The following TRPV1 variants were observed in gnomAD, a reference collection of about 807,000 sequenced individuals.
TRPV1 encodes the protein transient receptor potential cation channel subfamily V member 1.
Under a neutral mutation model 82.3 loss-of-function variants are expected in TRPV1, and 82 were observed. The observed-to-expected ratio is 1.00, with a 90% CI of 0.83 to 1.20. TRPV1 has a LOEUF of 1.20. Ranked by LOEUF, TRPV1 falls within the 50% of genes most tolerant of loss-of-function variation. The pLI, the probability that TRPV1 is intolerant of heterozygous loss-of-function variation, is 0.00. For synonymous variants in TRPV1, 515 were observed against 467.7 expected, an observed-to-expected ratio of 1.10 and a Z score of -1.30; for missense variants, 1,067 against 1,096.8, an observed-to-expected ratio of 0.97 and a Z score of 0.38.
chr17:3,566,842 C>T lies in TRPV1; in HGVS notation c.2493G>A (p.Lys831=). 1 of 1,613,956 alleles carries T rather than the reference C, an allele frequency of 6.2e-7. No individual in the cohort carries two copies. The highest frequency in any genetic ancestry group is 1.1e-5 in the South Asian group (1 of 91,078). Residue 831 remains lysine (K), a synonymous_variant, in exon 17 of 17, where the codon AAG becomes AAA. Coordinates refer to ENST00000572705, the MANE Select transcript of TRPV1 (RefSeq NM_080704.4). Reference sequence around the variant, plus strand: ...ACTTCTCCCCGGAAGCGGCAGGACTCTTGAAGACCTCAGCGTCCTCTGGCT... The same window carrying T: ...ACTTCTCCCCGGAAGCGGCAGGACTTTTGAAGACCTCAGCGTCCTCTGGCT... The part of the protein sequence containing the change: ...SLKPEDAEVF[K]SPAASGEK
chr17:3,574,070 A>T, intron 13 of TRPV1, 115 bp from the exon 14 acceptor site: 1 of 925,238 alleles, frequency 1.1e-6, no homozygotes. Context: ...AGTTATTTTT[A>T]AAGCATCCCT....
At chr17:3,598,729 C>CT (rs1567675649) in intron 2 of TRPV1, among the ~76,000 whole-genome samples, 2 of 151,708 alleles carry the variant, frequency 1.3e-5, no homozygotes, top group East Asian at 4.0e-4. Flanking sequence ...CCACGCCTGG[C>CT]TAATTTTTGT....
intron 16 of TRPV1, among the ~76,000 whole-genome samples, chr17:3,568,192 G>A (rs1266129069): frequency 1.3e-5 from 2 of 151,610 alleles, no homozygotes; most frequent in African/African-American, 2.4e-5. Flanking sequence ...CGTAGTGGCG[G>A]GCGCCTGTAG....
chr17:3,576,999 C>T, intron 13 of TRPV1, 127 bp downstream of exon 13: 3 of 914,956 alleles, frequency 3.3e-6, no homozygotes, highest in Non-Finnish European at 5.0e-6. Context: ...CTCTGTCCAC[C>T]CTCTCAGTCA....
intron 2 of TRPV1, among the ~76,000 whole-genome samples, chr17:3,595,091 T>C (rs928519057): frequency 6.6e-6 from 1 of 152,104 alleles, no homozygotes; most frequent in East Asian, 1.9e-4. Context: ...TCAAGGACCG[T>C]TCACAGTGCG....
intron 10 of TRPV1, 74 bp downstream of exon 10, chr17:3,583,264 T>C: frequency 3.1e-6 from 4 of 1,280,654 alleles, no homozygotes; most frequent in Non-Finnish European, 2.2e-6. Flanking sequence ...AAAAAGTGAG[T>C]GAGCGCTGAG....
At chr17:3,595,484 A>G (rs903747080) in intron 2 of TRPV1, among the ~76,000 whole-genome samples, 7 of 152,198 alleles carry the variant, frequency 4.6e-5, no homozygotes, top group African/African-American at 1.7e-4. Context: ...GGGGCTAGGC[A>G]TAAGACCTGA....
intron 10 of TRPV1, among the ~76,000 whole-genome samples, chr17:3,582,946 CA>C (rs34771586): frequency 0.32 from 40,683 of 128,896 alleles, 7,175 homozygotes; most frequent in East Asian, 0.76. Context: ...AACTCCACCT[CA>C]AAAAAAAAAA....
intron 13 of TRPV1, among the ~76,000 whole-genome samples, chr17:3,576,754 T>G (rs1204202051): frequency 3.1e-5 from 4 of 128,544 alleles, no homozygotes; most frequent in Non-Finnish European, 6.3e-5. Flanking sequence ...GAGGCTGAGG[T>G]AGGAGAATTG....
At position 3,591,263 on chromosome 17, in the gene TRPV1, AT is replaced by A. The variant is rs764615031; in HGVS notation, c.374del (p.Asn125IlefsTer36). On this transcript the variant is annotated frameshift_variant, in exon 4 of 17. Transcript: ENST00000572705. LOFTEE classifies it high-confidence loss of function. ...GCAGGCTCTCCAGATCCTGGCAGTT[AT>A]TCTGAGCAACGGCTTCAAAGATACT... ...RRSIFEAVAQ[N>X]NCQDLESLLL... 6.2e-7 allele frequency: 1 copy of A among 1,613,000 alleles called. No homozygotes were observed. The highest frequency in any genetic ancestry group is 1.3e-5 in the African/African-American group (1 of 74,778).
rs1270164916 is a variant in TRPV1, at chr17:3,588,215, C to G, written c.1197G>C (p.Val399=). 6.4e-7 allele frequency: 1 copy of G among 1,572,418 alleles called. No homozygotes were observed. The highest frequency in any genetic ancestry group is 8.6e-7 in the Non-Finnish European group (1 of 1,159,428). ...DTCEKNSVLE[V]IAYSSSETPN... is the part of the protein sequence containing the mutation. ...GGGTCTCGCTGCTGCTGTAGGCGAT[C>G]ACCTCCAGCACCGAGTTCTTCTCGC... The change falls in exon 8 of 17, where the codon GTG becomes GTC. Residue 399 remains valine, a synonymous_variant. Transcript: ENST00000572705.
chr17:3,571,741 G>A, intron 15 of TRPV1, 102 bp from the exon 16 acceptor site: 4 of 899,406 alleles, frequency 4.4e-6, no homozygotes, highest in Non-Finnish European at 5.3e-6. Context: ...CATCAGGATG[G>A]AGATGTGGTG....
intron 13 of TRPV1, among the ~76,000 whole-genome samples, chr17:3,576,753 G>T (rs1249269591): frequency 7.0e-6 from 1 of 143,378 alleles, no homozygotes; most frequent in African/African-American, 2.6e-5. Context: ...GGAGGCTGAG[G>T]TAGGAGAATT....
intron 15 of TRPV1, 49 bp from the exon 16 acceptor site, chr17:3,571,688 G>A (rs373419690): frequency 3.8e-5 from 56 of 1,463,308 alleles, no homozygotes; most frequent in Non-Finnish European, 4.9e-5. Flanking sequence ...CCAGCTTCCC[G>A]GGCCAAGGGC....
chr17:3,586,100 C>A (rs112098051), intron 8 of TRPV1, among the ~76,000 whole-genome samples, 174 bp from the exon 9 acceptor site: 1 of 152,260 alleles, frequency 6.6e-6, no homozygotes, highest in African/African-American at 2.4e-5. Flanking sequence ...CTGGTCCCAG[C>A]ACTGCCGCGG....
In TRPV1 at chr17:3,592,017, A is replaced by G. The variant is rs771205584; in HGVS notation, c.284+50T>C. 8 of 1,581,860 alleles carry G rather than the reference A, an allele frequency of 5.1e-6. No homozygotes were observed. The South Asian group carries it at 9.2e-5, about 18-fold the overall frequency. Reference sequence around the variant, plus strand: ...AGCCAGACCACCCTGTGGCATCTCCATGGCCAGCTGGGCTCCCAGCAGGGA... The same window carrying G: ...AGCCAGACCACCCTGTGGCATCTCCGTGGCCAGCTGGGCTCCCAGCAGGGA... On this transcript the variant is annotated intron_variant, in intron 3 of 16. Transcript: ENST00000572705.
At chr17:3,581,959 G>C (rs1434350707) in intron 10 of TRPV1, among the ~76,000 whole-genome samples, 1 of 147,864 alleles carries the variant, frequency 6.8e-6, no homozygotes, top group Non-Finnish European at 1.5e-5. Context: ...GGGAGGCCAA[G>C]GTGGGCGGAT....
intron 2 of TRPV1, among the ~76,000 whole-genome samples, chr17:3,597,620 C>G (rs1424685917): frequency 6.6e-6 from 1 of 150,836 alleles, no homozygotes; most frequent in Non-Finnish European, 1.5e-5. Flanking sequence ...TTCTTCTCAA[C>G]TGGGGGTTCC....
chr17:3,567,028 A>G, intron 16 of TRPV1, 41 bp from the exon 17 acceptor site: 1 of 1,603,224 alleles, frequency 6.2e-7, no homozygotes, highest in Non-Finnish European at 8.5e-7. Flanking sequence ...GCAACAAAAC[A>G]AACATTCACT....
Sources: allele counts gnomAD v4.1 joint callset (sites outside exome capture counted in the v4.1 genomes callset), GRCh38; gene constraint gnomAD v4.1.1; transcripts MANE v1.5; gene names NCBI Gene and HGNC (gene_info 2026-07-23, HGNC 2026-07-21).